The following TRA2B variants were observed in gnomAD, a reference collection of about 807,000 sequenced individuals.
TRA2B encodes transformer-2 protein homolog beta.
In TRA2B, 14 loss-of-function variants were observed where a neutral mutation model predicts 41.7. The ratio of observed to expected loss-of-function variants is 0.34; its 90% CI spans 0.22 to 0.53. TRA2B has a LOEUF of 0.53. Among genes scored for constraint, TRA2B ranks in the 20% least tolerant of loss-of-function variants. TRA2B has a pLI of 0.95. For synonymous variants in TRA2B, 130 were observed against 128.8 expected (o/e 1.01, Z -0.06); for missense variants, 167 against 396.8 (o/e 0.42, Z 4.92).
rs1458872514 is a variant in TRA2B at position 185,915,465 on chromosome 3, G to C, written c.*2250C>G. On this transcript the variant is annotated 3_prime_UTR_variant, in exon 9 of 9. Transcript: ENST00000453386. ...TGCCCATGGCAGCAGTTACCTAGGGGTTACCTACGGGTAACTGCTGCCTCC... is the reference window on the plus strand; with the variant it reads ...TGCCCATGGCAGCAGTTACCTAGGGCTTACCTACGGGTAACTGCTGCCTCC... 6.6e-6 allele frequency among the ~76,000 whole-genome samples: 1 copy of C among 152,052 alleles called. No homozygotes were observed. The highest frequency in any genetic ancestry group is 2.1e-4 in the South Asian group (1 of 4,828).
chr3:185,928,153 A>T (rs2150116402), intron 1 of TRA2B: 1 of 151,916 alleles, frequency 6.6e-6, no homozygotes, highest in East Asian at 2.0e-4. Flanking sequence ...GGTTTACAAC[A>T]TAATGGAGAA....
intron 4 of TRA2B, 30 bp downstream of exon 4, chr3:185,923,766 T>TG: frequency 1.3e-6 from 2 of 1,578,538 alleles, no homozygotes; most frequent in Non-Finnish European, 1.7e-6. Flanking sequence ...ATAGAACTGA[T>TG]GGTTTACAAA....
At chr3:185,934,787 T>C (rs866307979) in intron 1 of TRA2B, 1 of 985,454 alleles carries the variant, frequency 1.0e-6, no homozygotes, top group Middle Eastern at 5.2e-4. Flanking sequence ...GAAAAGCAGT[T>C]TGATGGGTTG....
In TRA2B at chr3:185,919,349, C is replaced by T. The variant is rs1743627637; in HGVS notation, c.782+88G>A. ...AAACAGTCTGATTTTGGGTATTCCA[C>T]TTATAATTTACCAAAACATTACTAG... On this transcript the variant is annotated intron_variant, in intron 7 of 8. Coordinates refer to ENST00000453386, the MANE Select transcript of TRA2B (RefSeq NM_004593.3). 3 of 1,124,354 alleles carry T rather than the reference C, an allele frequency of 2.7e-6. No individual in the cohort carries two copies. In the East Asian group the frequency reaches 7.5e-5, roughly 28 times the overall value. 69.6% of individuals were successfully genotyped at this position (1,124,354 alleles called of 1,614,324 possible). A position where few individuals can be genotyped will look rare whatever the true frequency, so the allele number is the denominator to read the frequency against.
At chr3:185,920,590 T>C (rs1378849399) in intron 6 of TRA2B, among the ~76,000 whole-genome samples, 1 of 152,192 alleles carries the variant, frequency 6.6e-6, no homozygotes. Context: ...TCTCTCGCTC[T>C]GTTGCCTACA....
At position 185,914,958 on chromosome 3, in the gene TRA2B, C is replaced by A. The variant is rs538637719; in HGVS notation, c.*2757G>T. Reference sequence around the variant, plus strand: ...AAGAGCTATTAGTTTTATCTTAAGGCATATATTCCTTATGTAGGGGCAACA... The same window carrying A: ...AAGAGCTATTAGTTTTATCTTAAGGAATATATTCCTTATGTAGGGGCAACA... On this transcript the variant is annotated 3_prime_UTR_variant, in exon 9 of 9. Coordinates refer to ENST00000453386, the MANE Select transcript of TRA2B (RefSeq NM_004593.3). Among the ~76,000 whole-genome samples the A allele has an allele frequency of 1.3e-5, 2 of 152,118 alleles. No individual in the cohort carries two copies. Among genetic ancestry groups the A allele is most frequent in the Admixed American group, 6.6e-5 (1 of 15,260 alleles).
chr3:185,925,447 C>T lies in TRA2B; in HGVS notation c.333+17G>A, dbSNP rs370944724. The T allele has an allele frequency of 6.1e-5, 98 of 1,608,478 alleles. No individual in the cohort carries two copies. The highest frequency in any genetic ancestry group is 8.1e-5 in the Non-Finnish European group (96 of 1,177,940). On this transcript the variant is annotated intron_variant, in intron 3 of 8. Transcript: ENST00000453386. ...ATTTAGGCAGTTGACTGCTTCAAAA[C>T]CAGTTTTTCATCTTACCCGATTCCC...
rs527663168 is a variant in TRA2B at position 185,937,986 on chromosome 3, A to G, written c.-126T>C. On this transcript the variant is annotated 5_prime_UTR_variant, in exon 1 of 9. Transcript: ENST00000453386. ...GGTCGCCCAGCCGCTCAGAGCCGAA[A>G]TGCTCCGCACCGCCTCCGCACGGGC... 31 of 1,143,202 alleles carry G rather than the reference A, an allele frequency of 2.7e-5. 1 individual carries two copies. The South Asian group carries it at 3.9e-4, about 14-fold the overall frequency. The allele number at this position is 1,143,202 out of a possible 1,614,324, so 70.8% of individuals were successfully genotyped here. A position where few individuals can be genotyped will look rare whatever the true frequency, so the allele number is the denominator to read the frequency against.
At position 185,938,002 on chromosome 3, in the gene TRA2B, C is replaced by G. The variant is rs1009612617; in HGVS notation, c.-142G>C. ...AGAGCCGAAATGCTCCGCACCGCCTCCGCACGGGCTCTAACTCTACCGGAT... is the reference window on the plus strand; with the variant it reads ...AGAGCCGAAATGCTCCGCACCGCCTGCGCACGGGCTCTAACTCTACCGGAT... On this transcript the variant is annotated 5_prime_UTR_variant, in exon 1 of 9. Coordinates refer to ENST00000453386, the MANE Select transcript of TRA2B (RefSeq NM_004593.3). 3 of 924,302 alleles carry G rather than the reference C, an allele frequency of 3.2e-6. No homozygotes were observed. Among genetic ancestry groups the G allele is most frequent in the East Asian group, 5.3e-5 (2 of 37,528 alleles). 57.3% of individuals were successfully genotyped at this position (924,302 alleles called of 1,614,324 possible).
rs996406465 is a variant in TRA2B, at chr3:185,917,596, G to A, written c.*119C>T. The A allele has an allele frequency of 8.2e-6, 8 of 972,312 alleles. No homozygotes were observed. In the African/African-American group the frequency reaches 1.2e-4, roughly 14 times the overall value. 60.2% of individuals were successfully genotyped at this position (972,312 alleles called of 1,614,324 possible). ...TCCACCAAAAGTAGTCATCGTAAAA[G>A]GTGTAAAAGTCACCTAACTTCACTA... On this transcript the variant is annotated 3_prime_UTR_variant, in exon 9 of 9. Coordinates refer to ENST00000453386, the MANE Select transcript of TRA2B (RefSeq NM_004593.3).
At chr3:185,919,202 A>C (rs1233447130) in intron 7 of TRA2B, among the ~76,000 whole-genome samples, 2 of 152,228 alleles carry the variant, frequency 1.3e-5, no homozygotes, top group Non-Finnish European at 2.9e-5. Context: ...GACTAACATC[A>C]CTGTACCTCA....
chr3:185,924,171 G>C (rs981752798), intron 3 of TRA2B, 187 bp from the exon 4 acceptor site: 3 of 440,886 alleles, frequency 6.8e-6, no homozygotes, highest in African/African-American at 2.0e-5. Context: ...GGGTAGGAAA[G>C]AATGCAAAAG....
intron 1 of TRA2B, chr3:185,935,088 C>T (rs1283422502): frequency 1.0e-6 from 1 of 985,280 alleles, no homozygotes; most frequent in African/African-American, 1.7e-5. Flanking sequence ...TTATTGGGCT[C>T]TAAAGATTAC....
At chr3:185,930,406 C>T (rs576825806) in intron 1 of TRA2B, among the ~76,000 whole-genome samples, 18 of 152,072 alleles carry the variant, frequency 1.2e-4, no homozygotes, top group Non-Finnish European at 2.1e-4. Context: ...AAATTTTCTT[C>T]TGCTTGCAAG....
At chr3:185,937,495 C>T in intron 1 of TRA2B, 1 of 1,079,308 alleles carries the variant, frequency 9.3e-7, no homozygotes, top group Non-Finnish European at 1.1e-6. Flanking sequence ...CGCAGGAGAG[C>T]AACGCCGAAA....
chr3:185,921,453 G>T (rs1007534298), intron 5 of TRA2B, among the ~76,000 whole-genome samples: 3 of 152,134 alleles, frequency 2.0e-5, no homozygotes, highest in East Asian at 1.9e-4. Flanking sequence ...AACAAAAATA[G>T]TATCACTTTG....
chr3:185,935,449 G>A, intron 1 of TRA2B: 2 of 985,304 alleles, frequency 2.0e-6, no homozygotes, highest in Non-Finnish European at 2.4e-6. Context: ...TGATCAAACT[G>A]AGAATAATTT....
chr3:185,916,830 AAAT>A lies in TRA2B; in HGVS notation c.*882_*884del, dbSNP rs1743517825. 1 of 152,622 alleles carries A rather than the reference AAAT, an allele frequency of 6.6e-6. No homozygotes were observed. The highest frequency in any genetic ancestry group is 2.1e-4 in the South Asian group (1 of 4,830). 9.5% of individuals were successfully genotyped at this position (152,622 alleles called of 1,614,324 possible). On this transcript the variant is annotated 3_prime_UTR_variant, in exon 9 of 9. Transcript: ENST00000453386. ...CTCCTTTGGTAAGCAAAGGACCTGA[AAAT>A]AATATTTAAAAAATGAACAGGCAAA...
intron 1 of TRA2B, chr3:185,937,143 G>A (rs1466830754): frequency 1.0e-6 from 1 of 985,372 alleles, no homozygotes; most frequent in East Asian, 1.1e-4. Flanking sequence ...TTCGGCATCA[G>A]AGAAAAGCGC....
Sources: allele counts gnomAD v4.1 joint callset (sites outside exome capture counted in the v4.1 genomes callset), GRCh38; gene constraint gnomAD v4.1.1; transcripts MANE v1.5; gene names NCBI Gene and HGNC (gene_info 2026-07-23, HGNC 2026-07-21).